LTBP1: variants seen among roughly 807,000 people sequenced by gnomAD.
LTBP1 encodes the protein latent transforming growth factor beta binding protein 1, also known as latent-transforming growth factor beta-binding protein 1.
LTBP1 carries 129 observed loss-of-function variants against 207.6 expected under a neutral mutation model. The observed-to-expected ratio is 0.62, with a 90% CI of 0.54 to 0.72. The LOEUF is 0.72. LTBP1 is among the 30% of genes least tolerant of loss of function. The pLI, the probability that LTBP1 is intolerant of heterozygous loss-of-function variation, is 0.00. For missense variants in LTBP1, 2,281 were observed against 2,217.2 expected (o/e 1.03, Z -0.58); for synonymous variants, 963 against 833.7 (o/e 1.16, Z -2.67).
intron 20 of LTBP1, among the ~76,000 whole-genome samples, chr2:33,298,826 AT>A (rs2093930321): frequency 6.6e-6 from 1 of 152,214 alleles, no homozygotes; most frequent in African/African-American, 2.4e-5. Context: ...TAAGAAACAA[AT>A]TTTTGAACTC....
chr2:33,321,585 C>G (rs2094355484), intron 24 of LTBP1, among the ~76,000 whole-genome samples: 1 of 152,170 alleles, frequency 6.6e-6, no homozygotes, highest in Non-Finnish European at 1.5e-5. Flanking sequence ...GACAGTGCCC[C>G]AAGGCAGTTG....
At chr2:33,167,844 G>A (rs6728094) in intron 5 of LTBP1, among the ~76,000 whole-genome samples, 82,030 of 152,014 alleles carry the variant, frequency 0.54, 22,296 homozygotes, top group Middle Eastern at 0.63. Flanking sequence ...ATCAAGGAGA[G>A]CCCTTCTGCC....
chr2:33,326,586 A>G (rs932451255), intron 24 of LTBP1, among the ~76,000 whole-genome samples: 6 of 151,704 alleles, frequency 4.0e-5, no homozygotes, highest in Non-Finnish European at 5.9e-5. Flanking sequence ...TCTTCTATAC[A>G]TTTACCCTGC....
intron 31 of LTBP1, among the ~76,000 whole-genome samples, chr2:33,387,283 T>C (rs2095274363): frequency 6.6e-6 from 1 of 152,254 alleles, no homozygotes; most frequent in African/African-American, 2.4e-5. Context: ...TGTAAACATT[T>C]CAGCAATCTT....
intron 3 of LTBP1, among the ~76,000 whole-genome samples, chr2:33,073,731 A>G (rs956929102): frequency 1.4e-4 from 21 of 152,190 alleles, no homozygotes; most frequent in Admixed American, 7.8e-4. Context: ...GGTTCAAGCA[A>G]TTCTTGTGCC....
At chr2:32,949,025 C>A in intron 2 of LTBP1, 80 bp downstream of exon 2, 1 of 1,397,154 alleles carries the variant, frequency 7.2e-7, no homozygotes, top group Non-Finnish European at 1.0e-6. Flanking sequence ...CTCACAAGGG[C>A]CACTTGAAAG....
intron 12 of LTBP1, 83 bp from the exon 13 acceptor site, chr2:33,259,504 CT>C: frequency 1.0e-6 from 1 of 952,798 alleles, no homozygotes; most frequent in South Asian, 1.8e-5. Flanking sequence ...AGATAATGGA[CT>C]TCTATTGTTT....
At chr2:33,012,322 T>TCC (rs1687784050) in intron 2 of LTBP1, among the ~76,000 whole-genome samples, 3 of 151,832 alleles carry the variant, frequency 2.0e-5, no homozygotes, top group Admixed American at 2.0e-4. Context: ...AGAGCATAGC[T>TCC]CCCTCTTGTA....
chr2:33,037,812 G>A (rs2075997628), intron 3 of LTBP1, among the ~76,000 whole-genome samples: 3 of 152,176 alleles, frequency 2.0e-5, no homozygotes, highest in Admixed American at 6.5e-5. Context: ...TGACCTGCTG[G>A]GCTTAAGCAA....
intron 5 of LTBP1, among the ~76,000 whole-genome samples, chr2:33,153,969 A>G (rs930366350): frequency 7.2e-5 from 11 of 152,126 alleles, no homozygotes; most frequent in Admixed American, 1.3e-4. Flanking sequence ...GGGTCCCTGA[A>G]GGTGGTTTAT....
intron 15 of LTBP1, among the ~76,000 whole-genome samples, chr2:33,265,098 A>G (rs1192330586): frequency 6.6e-6 from 1 of 152,190 alleles, no homozygotes; most frequent in Non-Finnish European, 1.5e-5. Flanking sequence ...CCCAGCAGAT[A>G]GGATACCCAC....
intron 2 of LTBP1, among the ~76,000 whole-genome samples, chr2:32,986,653 C>T (rs1683628900): frequency 6.6e-6 from 1 of 152,158 alleles, no homozygotes; most frequent in Non-Finnish European, 1.5e-5. Context: ...AAGCACAGCA[C>T]CTGTGGGACT....
chr2:33,150,710 C>CTTTT lies in LTBP1; in HGVS notation c.1201+15773_1201+15776dup, dbSNP rs1176008947. 3.4e-3 allele frequency among the ~76,000 whole-genome samples: 239 copies of CTTTT among 69,304 alleles called. 1 individual carries two copies. Among genetic ancestry groups the CTTTT allele is most frequent in the African/African-American group, 3.8e-3 (62 of 16,284 alleles). The allele number at this position is 69,304 out of a possible 152,430, so 45.5% of individuals were successfully genotyped here. A position where few individuals can be genotyped will look rare whatever the true frequency, so the allele number is the denominator to read the frequency against. Reference sequence around the variant, plus strand: ...CTTTTCTTTTTTCTTTTTTCTTTTTCTTTTTTTTTTTTTTTTTTTTTTTTT... The same window carrying CTTTT: ...CTTTTCTTTTTTCTTTTTTCTTTTTCTTTTTTTTTTTTTTTTTTTTTTTTTTTTT... On this transcript the variant is annotated intron_variant, in intron 5 of 33. Coordinates refer to ENST00000404816, the MANE Select transcript of LTBP1 (RefSeq NM_206943.4).
At chr2:32,952,752 G>A (rs72866296) in intron 2 of LTBP1, among the ~76,000 whole-genome samples, 2,235 of 152,156 alleles carry the variant, frequency 0.015, 46 homozygotes, top group African/African-American at 0.051. Context: ...AGACATTGCC[G>A]GTAGGCTCAG....
chr2:33,371,214 A>C (rs1249574574), intron 31 of LTBP1, among the ~76,000 whole-genome samples: 1 of 152,188 alleles, frequency 6.6e-6, no homozygotes, highest in Non-Finnish European at 1.5e-5. Flanking sequence ...CTGCACTAGG[A>C]GGAAGTTCCT....
intron 7 of LTBP1, among the ~76,000 whole-genome samples, chr2:33,205,546 T>C (rs2089786179): frequency 6.6e-6 from 1 of 152,206 alleles, no homozygotes; most frequent in Admixed American, 6.5e-5. Flanking sequence ...GGGTTGATAG[T>C]GGTTCCATCA....
intron 7 of LTBP1, among the ~76,000 whole-genome samples, chr2:33,191,598 G>GTA (rs1236076110): frequency 2.6e-4 from 40 of 152,346 alleles, no homozygotes; most frequent in African/African-American, 8.2e-4. Context: ...TAATCATAGT[G>GTA]TGTAGGTGTA....
rs548465057 is a variant in LTBP1 at position 33,239,388 on chromosome 2, T to C, written c.1877-4274T>C. Among the ~76,000 whole-genome samples, 6 of 152,332 alleles carry C rather than the reference T, an allele frequency of 3.9e-5. 1 individual carries two copies. In the South Asian group the frequency reaches 1.2e-3, roughly 32 times the overall value. On this transcript the variant is annotated intron_variant, in intron 9 of 33. Coordinates refer to ENST00000404816, the MANE Select transcript of LTBP1 (RefSeq NM_206943.4). ...GGTGCTGAGCCCCTTCAGCCATTTATTTTGGCCTTCATTCTTTAACTCAGG... is the reference window on the plus strand; with the variant it reads ...GGTGCTGAGCCCCTTCAGCCATTTACTTTGGCCTTCATTCTTTAACTCAGG...
At chr2:33,133,577 C>T (rs567686684) in intron 4 of LTBP1, among the ~76,000 whole-genome samples, 1 of 152,192 alleles carries the variant, frequency 6.6e-6, no homozygotes, top group East Asian at 1.9e-4. Flanking sequence ...AGGTTGCGAT[C>T]CAGCAGTGAA....
Sources: gnomAD v4.1 joint callset for allele counts (sites outside exome capture counted in the v4.1 genomes callset) on GRCh38, gnomAD v4.1.1 for gene constraint, MANE v1.5 for transcripts, NCBI Gene and HGNC (gene_info 2026-07-23, HGNC 2026-07-21) for gene names.